NPAS3: variants seen among roughly 807,000 people sequenced by gnomAD.
NPAS3 encodes the protein neuronal PAS domain-containing protein 3.
Under a neutral mutation model 73.1 loss-of-function variants are expected in NPAS3, and 14 were observed. That is an observed-to-expected ratio of 0.19 (90% CI 0.13 to 0.30). The LOEUF is 0.30. Among genes scored for constraint, NPAS3 ranks in the 10% least tolerant of loss-of-function variants. The pLI is 1.00. For synonymous variants in NPAS3, 620 were observed against 541.5 expected (o/e 1.14, Z -2.01); for missense variants, 1,096 against 1,250.0 (o/e 0.88, Z 1.86).
chr14:33,470,155 C>T (rs2050718681), intron 4 of NPAS3, among the ~76,000 whole-genome samples: 2 of 152,176 alleles, frequency 1.3e-5, no homozygotes, highest in South Asian at 4.1e-4. Flanking sequence ...CAAAGAAAGC[C>T]AGGTGCAGTA....
intron 4 of NPAS3, among the ~76,000 whole-genome samples, chr14:33,464,915 A>G (rs1412249905): frequency 6.6e-6 from 1 of 152,146 alleles, no homozygotes; most frequent in Non-Finnish European, 1.5e-5. Context: ...CACAGTAAGC[A>G]CTCAGTTAAT....
chr14:33,200,513 C>A (rs1566669820), intron 2 of NPAS3, among the ~76,000 whole-genome samples: 1 of 152,068 alleles, frequency 6.6e-6, no homozygotes, highest in Admixed American at 6.6e-5. Context: ...CATACCCATA[C>A]CTTTATGTGC....
At chr14:32,990,263 TTGAA>T (rs1269136810) in intron 1 of NPAS3, among the ~76,000 whole-genome samples, 4 of 152,222 alleles carry the variant, frequency 2.6e-5, no homozygotes, top group Non-Finnish European at 5.9e-5. Flanking sequence ...TATTGAATGA[TTGAA>T]TGTGTGTGAT....
chr14:33,748,101 T>C (rs1284962148), intron 7 of NPAS3, among the ~76,000 whole-genome samples: 1 of 152,182 alleles, frequency 6.6e-6, no homozygotes, highest in Non-Finnish European at 1.5e-5. Flanking sequence ...TAAACATTTG[T>C]TTTTTAAAAA....
chr14:33,792,600 AAT>A (rs2063392215), intron 9 of NPAS3, among the ~76,000 whole-genome samples: 1 of 151,060 alleles, frequency 6.6e-6, no homozygotes, highest in Non-Finnish European at 1.5e-5. Context: ...AAAAAAAAAA[AAT>A]CTAAATGTAC....
At chr14:33,186,584 A>T (rs2045982090) in intron 2 of NPAS3, among the ~76,000 whole-genome samples, 1 of 152,062 alleles carries the variant, frequency 6.6e-6, no homozygotes, top group African/African-American at 2.4e-5. Flanking sequence ...TGAACGCATG[A>T]TTTTCCCTCG....
At chr14:33,103,729 A>G (rs758538307) in intron 2 of NPAS3, among the ~76,000 whole-genome samples, 65 of 152,162 alleles carry the variant, frequency 4.3e-4, no homozygotes, top group Non-Finnish European at 8.4e-4. Context: ...AGCTTCACCT[A>G]GAGATTAGCT....
At chr14:33,327,045 T>C (rs2043740290) in intron 3 of NPAS3, among the ~76,000 whole-genome samples, 1 of 152,200 alleles carries the variant, frequency 6.6e-6, no homozygotes, top group South Asian at 2.1e-4. Flanking sequence ...ATAGTGTTTC[T>C]TTTTTTCTGG....
rs73269089 is a variant in NPAS3 at position 33,556,997 on chromosome 14, T to C, written c.469-3124T>C. Among the ~76,000 whole-genome samples, 837 of 152,270 alleles carry C rather than the reference T, an allele frequency of 5.5e-3. 9 individuals carry two copies. Among genetic ancestry groups the C allele is most frequent in the African/African-American group, 0.019 (788 of 41,550 alleles). ...CATGGCTATCAGGTCGAATGGAAAA[T>C]CTAATAAGCCCTTTTATAAGATTCA... On this transcript the variant is annotated intron_variant, in intron 4 of 11. Coordinates refer to ENST00000356141, the Ensembl canonical transcript of NPAS3.
chr14:33,216,409 A>C (rs1445405691), intron 3 of NPAS3, among the ~76,000 whole-genome samples: 1 of 152,216 alleles, frequency 6.6e-6, no homozygotes, highest in Non-Finnish European at 1.5e-5. Context: ...ATTCAGATTG[A>C]AATGAAGGGT....
intron 5 of NPAS3, among the ~76,000 whole-genome samples, chr14:33,661,862 T>A (rs545927538): frequency 6.6e-6 from 1 of 152,308 alleles, no homozygotes; most frequent in East Asian, 1.9e-4. Flanking sequence ...TTACTTTTGA[T>A]AAGTTTTCAC....
chr14:32,982,410 T>C (rs2037934145), intron 1 of NPAS3, among the ~76,000 whole-genome samples: 1 of 152,080 alleles, frequency 6.6e-6, no homozygotes, highest in Non-Finnish European at 1.5e-5. Flanking sequence ...AAATAAGATA[T>C]CCCTTACAAT....
At chr14:32,998,924 C>A (rs765176685) in intron 1 of NPAS3, among the ~76,000 whole-genome samples, 2 of 152,122 alleles carry the variant, frequency 1.3e-5, no homozygotes, top group Admixed American at 1.3e-4. Context: ...AAAGCCCCTT[C>A]GCACTGTGCT....
At chr14:33,334,033 A>T (rs1177339583) in intron 3 of NPAS3, among the ~76,000 whole-genome samples, 2 of 152,192 alleles carry the variant, frequency 1.3e-5, no homozygotes, top group African/African-American at 2.4e-5. Flanking sequence ...CTTAATGTTG[A>T]ATATGAATAA....
chr14:33,353,426 A>C (rs980463028), intron 3 of NPAS3, among the ~76,000 whole-genome samples: 4 of 152,224 alleles, frequency 2.6e-5, no homozygotes, highest in African/African-American at 9.6e-5. Flanking sequence ...AGCAATTCCA[A>C]GTAACTCCTC....
chr14:33,427,831 T>C (rs966214558), intron 4 of NPAS3, among the ~76,000 whole-genome samples: 1 of 152,098 alleles, frequency 6.6e-6, no homozygotes, highest in African/African-American at 2.4e-5. Context: ...TATTCTTATA[T>C]AAATTCTCAT....
At chr14:33,024,399 T>A (rs2039725848) in intron 1 of NPAS3, among the ~76,000 whole-genome samples, 1 of 152,056 alleles carries the variant, frequency 6.6e-6, no homozygotes, top group Admixed American at 6.5e-5. Context: ...CTCGAACTAC[T>A]GACCTCATGA....
Position 33,186,488 on chromosome 14 carries a change from G to T in NPAS3, c.141-28694G>T, listed in dbSNP as rs374485325. On this transcript the variant is annotated intron_variant, in intron 2 of 11. Transcript: ENST00000356141. The stretch of plus-strand genomic sequence containing the variant: ...CCCTGCCACCAGATTTCATTTCTGA[G>T]CTTTAGTTTGAATATCCAAATGATC... Among the ~76,000 whole-genome samples the T allele has an allele frequency of 3.3e-5, 5 of 152,220 alleles. No homozygotes were observed. In the East Asian group the frequency reaches 9.7e-4, roughly 29 times the overall value.
chr14:33,354,204 G>A (rs12888274), intron 3 of NPAS3, among the ~76,000 whole-genome samples: 51,526 of 151,674 alleles, frequency 0.34, 9,162 homozygotes, highest in African/African-American at 0.43. Flanking sequence ...GTATGTTCCC[G>A]TTACTCTCCC....
Sources: allele counts gnomAD v4.1 joint callset (sites outside exome capture counted in the v4.1 genomes callset), GRCh38; gene constraint gnomAD v4.1.1; transcripts MANE v1.5; gene names NCBI Gene and HGNC (gene_info 2026-07-23, HGNC 2026-07-21).